Variants in CTNNA2 observed in about 807,000 individuals in gnomAD.
The protein encoded by CTNNA2 is catenin alpha-2.
Under a neutral mutation model 101.0 loss-of-function variants are expected in CTNNA2, and 42 were observed. The observed-to-expected ratio is 0.42, with a 90% CI of 0.32 to 0.54. CTNNA2 has a LOEUF of 0.54. Among genes scored for constraint, CTNNA2 ranks in the 20% least tolerant of loss-of-function variants. CTNNA2 has a pLI of 0.14. For missense variants in CTNNA2, 871 were observed against 1,223.1 expected (o/e 0.71, Z 4.29); for synonymous variants, 450 against 456.4 (o/e 0.99, Z 0.18).
In CTNNA2 at chr2:80,549,550, A is replaced by T. The variant is rs914276796; in HGVS notation, c.1540+3487A>T. ...AAAATATGTTGCAATCAAATGTTTC[A>T]TGACATGTTTAAATACCACACTTGA... is the stretch of plus-strand genomic sequence containing the variant. On this transcript the variant is annotated intron_variant, in intron 11 of 18. Transcript: ENST00000402739. Among the ~76,000 whole-genome samples the T allele has an allele frequency of 3.3e-5, 5 of 152,330 alleles. No homozygotes were observed. The Middle Eastern group carries it at 0.017, about 518-fold the overall frequency.
intron 4 of CTNNA2, among the ~76,000 whole-genome samples, chr2:79,374,306 A>G (rs765517945): frequency 6.6e-6 from 1 of 152,166 alleles, no homozygotes; most frequent in Admixed American, 6.5e-5. Context: ...ATATAGAAAG[A>G]CATGCAAAGG....
intron 7 of CTNNA2, among the ~76,000 whole-genome samples, chr2:80,201,367 C>CTTTTTTTT (rs60448795): frequency 2.1e-4 from 17 of 80,732 alleles, no homozygotes; most frequent in South Asian, 5.3e-4. Context: ...CTTTTTCTTT[C>CTTTTTTTT]TTTTTTTTTT....
intron 2 of CTNNA2, chr2:79,198,127 T>C (rs1673987075): frequency 1.3e-5 from 2 of 152,270 alleles, no homozygotes; most frequent in East Asian, 3.9e-4. Context: ...TTCAGATATG[T>C]TAACAAACCT....
At chr2:79,753,881 T>C (rs1259535771) in intron 3 of CTNNA2, among the ~76,000 whole-genome samples, 1 of 149,964 alleles carries the variant, frequency 6.7e-6, no homozygotes, top group Non-Finnish European at 1.5e-5. Context: ...TTTTTTTTTT[T>C]TTTTTGAGAT....
At chr2:79,617,245 C>T (rs1678690028) in intron 1 of CTNNA2, among the ~76,000 whole-genome samples, 1 of 152,080 alleles carries the variant, frequency 6.6e-6, no homozygotes, top group Non-Finnish European at 1.5e-5. Context: ...TTTCCCCATC[C>T]TCTGCCTAGG....
chr2:80,383,967 A>G (rs1284072387), intron 7 of CTNNA2, among the ~76,000 whole-genome samples: 3 of 152,208 alleles, frequency 2.0e-5, no homozygotes, highest in African/African-American at 4.8e-5. Context: ...CACATATACC[A>G]TGAAACACTA....
intron 7 of CTNNA2, among the ~76,000 whole-genome samples, chr2:79,926,113 C>T (rs1359314184): frequency 6.6e-6 from 1 of 152,054 alleles, no homozygotes; most frequent in African/African-American, 2.4e-5. Flanking sequence ...TATAAAATCT[C>T]TTCGAATTAA....
At chr2:80,250,706 A>T (rs1038037329) in intron 7 of CTNNA2, among the ~76,000 whole-genome samples, 3 of 152,122 alleles carry the variant, frequency 2.0e-5, no homozygotes. Flanking sequence ...GCTGAGGAGA[A>T]AATAAAAGGT....
chr2:79,911,325 T>C (rs138506503), intron 7 of CTNNA2, among the ~76,000 whole-genome samples: 130 of 152,346 alleles, frequency 8.5e-4, no homozygotes, highest in Non-Finnish European at 1.7e-3. Flanking sequence ...ACGCTAGTGG[T>C]TCTATTAATG....
rs1042995483 is a variant in CTNNA2 at position 80,315,530 on chromosome 2, C to T, written c.1057-77681C>T. 4.6e-5 allele frequency among the ~76,000 whole-genome samples: 7 copies of T among 152,230 alleles called. No homozygotes were observed. The South Asian group carries it at 1.0e-3, about 23-fold the overall frequency. On this transcript the variant is annotated intron_variant, in intron 7 of 18. Coordinates refer to ENST00000402739, the MANE Select transcript of CTNNA2 (RefSeq NM_001282597.3). ...AGGTTAGGGTACCTGAGTTCTCTCC[C>T]GCATGTCGTCTCATCCTCCAGTAGG...
intron 4 of CTNNA2, among the ~76,000 whole-genome samples, chr2:79,486,571 G>A (rs903345841): frequency 1.3e-5 from 2 of 152,050 alleles, no homozygotes; most frequent in African/African-American, 2.4e-5. Context: ...ATGTTTTATA[G>A]TCCTTTGGGT....
At chr2:79,795,966 A>G (rs1032102677) in intron 3 of CTNNA2, among the ~76,000 whole-genome samples, 1 of 152,200 alleles carries the variant, frequency 6.6e-6, no homozygotes, top group Non-Finnish European at 1.5e-5. Context: ...ATTGGTCAGT[A>G]TGTCTGGAAA....
At chr2:79,456,374 A>G (rs535647040) in intron 4 of CTNNA2, among the ~76,000 whole-genome samples, 15 of 152,160 alleles carry the variant, frequency 9.9e-5, no homozygotes, top group Middle Eastern at 3.5e-3. Flanking sequence ...GAATCCTTTA[A>G]TAAAGATTCT....
chr2:80,244,013 C>G (rs1671139038), intron 7 of CTNNA2, among the ~76,000 whole-genome samples: 5 of 152,074 alleles, frequency 3.3e-5, no homozygotes, highest in South Asian at 4.2e-4. Context: ...TCATCTCTGG[C>G]CACACATCAA....
At chr2:80,133,486 A>G (rs1586215) in intron 7 of CTNNA2, among the ~76,000 whole-genome samples, 3,931 of 152,284 alleles carry the variant, frequency 0.026, 177 homozygotes, top group African/African-American at 0.089. Context: ...AACCAATTCA[A>G]AAAAGAAGTG....
chr2:80,325,986 C>G (rs1296214299), intron 7 of CTNNA2, among the ~76,000 whole-genome samples: 3 of 152,126 alleles, frequency 2.0e-5, no homozygotes, highest in African/African-American at 4.8e-5. Flanking sequence ...TTTTATTGAA[C>G]CTTAGTGAGC....
intron 7 of CTNNA2, among the ~76,000 whole-genome samples, chr2:80,090,150 G>C (rs75250119): frequency 0.19 from 8,247 of 43,242 alleles, 243 homozygotes; most frequent in African/African-American, 0.38. Context: ...CTCTCTCTGT[G>C]TGTGTGTGTG....
intron 2 of CTNNA2, among the ~76,000 whole-genome samples, chr2:79,714,105 A>G (rs978110306): frequency 6.6e-6 from 1 of 152,092 alleles, no homozygotes; most frequent in African/African-American, 2.4e-5. Context: ...TCTAGCATAC[A>G]GCCTTGCCTT....
intron 7 of CTNNA2, among the ~76,000 whole-genome samples, chr2:80,386,968 C>T (rs1677066739): frequency 6.6e-6 from 1 of 152,042 alleles, no homozygotes; most frequent in African/African-American, 2.4e-5. Context: ...CATGAGAGAC[C>T]CCCCAGAACT....
Sources: allele counts gnomAD v4.1 joint callset (sites outside exome capture counted in the v4.1 genomes callset), GRCh38; gene constraint gnomAD v4.1.1; transcripts MANE v1.5; gene names NCBI Gene and HGNC (gene_info 2026-07-23, HGNC 2026-07-21).